The following EPG5 variants were observed in gnomAD, a reference collection of about 807,000 sequenced individuals.
EPG5 encodes the protein ectopic P-granules 5 autophagy tethering factor.
A neutral mutation model predicts 302.7 loss-of-function variants in EPG5; 159 were observed. The ratio of observed to expected loss-of-function variants is 0.53; its 90% CI spans 0.46 to 0.60. The LOEUF (loss-of-function observed/expected upper bound fraction) is 0.60. EPG5 is among the 20% of genes least tolerant of loss of function. EPG5 has a pLI of 0.00. For synonymous variants in EPG5, 1,158 were observed against 1,136.8 expected, an observed-to-expected ratio of 1.02 and a Z score of -0.37; for missense variants, 2,896 against 3,092.4, an observed-to-expected ratio of 0.94 and a Z score of 1.51.
In EPG5 at chr18:45,867,771, C is replaced by T. The variant is rs939188744; in HGVS notation, c.6226-23G>A. On this transcript the variant is annotated intron_variant, in intron 36 of 43. Coordinates refer to ENST00000282041, the MANE Select transcript of EPG5 (RefSeq NM_020964.3). ...CACCTAAAAGAAAATGAATTAAAAT[C>T]ATTCTGTTGCCTTGTGCTATCTATG... 1.9e-6 allele frequency: 3 copies of T among 1,572,428 alleles called. No individual in the cohort carries two copies. The Admixed American group carries it at 5.7e-5, about 30-fold the overall frequency.
the EPG5 span, among the ~76,000 whole-genome samples, chr18:45,820,394 T>C: frequency 9.6e-4 from 146 of 152,322 alleles, no homozygotes; most frequent in African/African-American, 3.5e-3. Context: ...TGATTTGACC[T>C]CCCTGGCTTC....
At chr18:45,833,517 T>G in the EPG5 span, among the ~76,000 whole-genome samples, 1 of 152,112 alleles carries the variant, frequency 6.6e-6, no homozygotes, top group Non-Finnish European at 1.5e-5. Context: ...TTTACCATGT[T>G]AGCCAGGCTG....
At chr18:45,891,855 C>T (rs1220466590) in intron 27 of EPG5, among the ~76,000 whole-genome samples, 2 of 152,114 alleles carry the variant, frequency 1.3e-5, no homozygotes, top group Non-Finnish European at 2.9e-5. Context: ...AATTTGAAAT[C>T]TTTCAAATAA....
intron 11 of EPG5, among the ~76,000 whole-genome samples, chr18:45,933,973 T>C (rs1365048172): frequency 2.0e-5 from 3 of 152,122 alleles, no homozygotes; most frequent in Admixed American, 6.5e-5. Flanking sequence ...GTTTTTCATT[T>C]CGAACATTAT....
chr18:45,846,663 G>A (rs556620772), downstream of EPG5, among the ~76,000 whole-genome samples: 2 of 152,106 alleles, frequency 1.3e-5, no homozygotes, highest in South Asian at 2.1e-4. Context: ...TCCCGATCCA[G>A]ACACTAAGAC....
the EPG5 span, chr18:45,840,339 TGGGGCTGGGGTCCTACTTTGACCA>T: frequency 7.3e-7 from 1 of 1,362,576 alleles, no homozygotes; most frequent in Non-Finnish European, 1.0e-6. Flanking sequence ...GGCAAAGGGC[TGGGGCTGGGGTCCTACTTTGACCA>T]GGGGCTGGGC....
chr18:45,938,956 G>C (rs977453124), intron 10 of EPG5, among the ~76,000 whole-genome samples: 9 of 152,306 alleles, frequency 5.9e-5, no homozygotes, highest in African/African-American at 2.2e-4. Context: ...CAGCTGGGTG[G>C]GGGTGGAGGC....
intron 42 of EPG5, among the ~76,000 whole-genome samples, chr18:45,857,230 C>T (rs1183656657): frequency 6.6e-6 from 1 of 152,148 alleles, no homozygotes; most frequent in Admixed American, 6.5e-5. Context: ...CCACCTCAGC[C>T]TCCAGAGTAG....
chr18:45,889,520 T>C (rs2049293064), intron 28 of EPG5, among the ~76,000 whole-genome samples: 1 of 152,200 alleles, frequency 6.6e-6, no homozygotes, highest in Non-Finnish European at 1.5e-5. Flanking sequence ...AGATAGTTAA[T>C]ATTTTCTGCT....
chr18:45,966,533 A>G (rs1449281659), intron 1 of EPG5, among the ~76,000 whole-genome samples: 1 of 152,152 alleles, frequency 6.6e-6, no homozygotes, highest in Non-Finnish European at 1.5e-5. Context: ...TCAACTTAAA[A>G]TCACTCTAAT....
the EPG5 span, among the ~76,000 whole-genome samples, chr18:45,814,027 A>G: frequency 6.6e-6 from 1 of 152,216 alleles, no homozygotes; most frequent in Non-Finnish European, 1.5e-5. Flanking sequence ...GAGGTTATCT[A>G]CATATTCTCT....
intron 29 of EPG5, among the ~76,000 whole-genome samples, chr18:45,885,756 A>C (rs185646656): frequency 2.8e-4 from 42 of 152,314 alleles, no homozygotes; most frequent in African/African-American, 9.4e-4. Context: ...TCATAAAATT[A>C]AAGGAAAAAA....
downstream of EPG5, among the ~76,000 whole-genome samples, chr18:45,844,726 A>C (rs1185762839): frequency 2.0e-5 from 3 of 152,204 alleles, no homozygotes; most frequent in Admixed American, 6.5e-5. Context: ...GGATTCATCC[A>C]GGAGCCTGTC....
chr18:45,930,027 G>C (rs765476951), intron 12 of EPG5, among the ~76,000 whole-genome samples: 2 of 152,160 alleles, frequency 1.3e-5, no homozygotes, highest in Non-Finnish European at 2.9e-5. Flanking sequence ...AATGTGCAAG[G>C]CTTTTTAAAT....
Position 45,925,788 on chromosome 18 carries a change from T to C in EPG5, c.2668A>G (p.Lys890Glu). Residue 890 changes from lysine to glutamate, a missense_variant, in exon 14 of 44, where the codon AAA becomes GAA. This residue lies in a region of EPG5 where 1,390 missense variants were observed against 1,430.0 expected (regional missense o/e 0.97). Coordinates refer to ENST00000282041, the MANE Select transcript of EPG5 (RefSeq NM_020964.3). ...CCTTCAAGAATAACACAGGCCAGTT[T>C]ATTCTTCACCACTGTCAGGTTGTAA... is the stretch of plus-strand genomic sequence containing the variant. ...LNYNLTVVKN[K>E]LACVILEGLN... 6.4e-7 allele frequency: 1 copy of C among 1,574,042 alleles called. No individual in the cohort carries two copies. The highest frequency in any genetic ancestry group is 8.6e-7 in the Non-Finnish European group (1 of 1,163,670).
intron 31 of EPG5, 78 bp downstream of exon 31, chr18:45,882,196 T>A: frequency 8.1e-7 from 1 of 1,231,232 alleles, no homozygotes; most frequent in East Asian, 2.4e-5. Flanking sequence ...TATCTTTGAA[T>A]AACATCTGTA....
chr18:45,835,341 T>A, the EPG5 span, among the ~76,000 whole-genome samples: 1 of 152,158 alleles, frequency 6.6e-6, no homozygotes, highest in East Asian at 1.9e-4. Context: ...AAAATGACCC[T>A]GTATGGTAAT....
intron 36 of EPG5, among the ~76,000 whole-genome samples, chr18:45,868,548 T>A (rs897946429): frequency 1.3e-5 from 2 of 150,962 alleles, no homozygotes; most frequent in African/African-American, 4.8e-5. Context: ...ATTTTATTTT[T>A]AGTAGAGTCC....
At chr18:45,911,110 C>CATATATATAT (rs71373730) in intron 22 of EPG5, among the ~76,000 whole-genome samples, 1 of 127,938 alleles carries the variant, frequency 7.8e-6, no homozygotes, top group African/African-American at 3.0e-5. Flanking sequence ...CACACACACA[C>CATATATATAT]ATATATATAT....
Sources: allele counts gnomAD v4.1 joint callset (sites outside exome capture counted in the v4.1 genomes callset), GRCh38; gene constraint gnomAD v4.1.1; regional missense constraint gnomAD v4.1.1; transcripts MANE v1.5; gene names NCBI Gene and HGNC (gene_info 2026-07-23, HGNC 2026-07-21).